ZFAT: variants seen among roughly 807,000 people sequenced by gnomAD.
ZFAT encodes zinc finger and AT-hook domain containing.
Under a neutral mutation model 117.7 loss-of-function variants are expected in ZFAT, and 64 were observed. That is an observed-to-expected ratio of 0.54 (90% confidence interval 0.44 to 0.67). The LOEUF (loss-of-function observed/expected upper bound fraction) is 0.67. Ranked by LOEUF, ZFAT falls within the 30% of genes least tolerant of loss-of-function variation. ZFAT has a pLI of 0.00. For missense variants in ZFAT, 1,433 were observed against 1,584.5 expected, an observed-to-expected ratio of 0.90 and a Z score of 1.62; for synonymous variants, 679 against 615.0, an observed-to-expected ratio of 1.10 and a Z score of -1.54.
At chr8:134,810,106 C>A in the ZFAT span, among the ~76,000 whole-genome samples, 1 of 152,140 alleles carries the variant, frequency 6.6e-6, no homozygotes, top group Non-Finnish European at 1.5e-5. Context: ...AAACTGATAA[C>A]CACTATAGAT....
chr8:134,640,563 C>T (rs938941399), intron 2 of ZFAT, among the ~76,000 whole-genome samples: 3 of 152,156 alleles, frequency 2.0e-5, no homozygotes, highest in African/African-American at 7.2e-5. Flanking sequence ...ACTTTTTATC[C>T]CCCTCGCACC....
At chr8:134,628,755 G>A (rs1829690683) in intron 3 of ZFAT, among the ~76,000 whole-genome samples, 1 of 152,182 alleles carries the variant, frequency 6.6e-6, no homozygotes, top group African/African-American at 2.4e-5. Context: ...ACTACAGGGT[G>A]ACACTGGATA....
At position 134,684,043 on chromosome 8, in the gene ZFAT, T is replaced by C. The variant is rs909535807; in HGVS notation, c.20-26306A>G. On this transcript the variant is annotated intron_variant, in intron 1 of 15. Transcript: ENST00000377838. ...CAACTTCTGATAAAAAGCTTTCCAC[T>C]TGGGTGACTAGGGGAAAGCTGTTAA... Among the ~76,000 whole-genome samples the C allele has an allele frequency of 1.1e-4, 17 of 152,128 alleles. No homozygotes were observed. The East Asian group carries it at 1.4e-3, about 12-fold the overall frequency.
chr8:134,497,814 A>T (rs113912612), intron 15 of ZFAT, among the ~76,000 whole-genome samples: 6,673 of 29,034 alleles, frequency 0.23, 29 homozygotes, highest in East Asian at 0.36. Context: ...ATGCCCCAGC[A>T]GCTGGTTACA....
chr8:134,620,770 C>G (rs1829055925), intron 3 of ZFAT, among the ~76,000 whole-genome samples: 1 of 152,164 alleles, frequency 6.6e-6, no homozygotes, highest in Non-Finnish European at 1.5e-5. Context: ...CAGAGAAAAC[C>G]CGGTTGAGTC....
the ZFAT span, among the ~76,000 whole-genome samples, chr8:134,761,982 A>ATGTGTGTGTGTGTGTGTGTGTG: frequency 1.6e-4 from 23 of 147,238 alleles, no homozygotes; most frequent in African/African-American, 5.3e-4. Context: ...TTCTCTCTGT[A>ATGTGTGTGTGTGTGTGTGTGTG]TGTGTGTGTG....
Position 134,608,791 on chromosome 8 carries a change from C to G in ZFAT, c.723G>C (p.Arg241=). ...SETTSADLVP[R]RGYQEYAIQQ... ...GAATGGCGTATTCCTGGTAGCCTCT[C>G]CGAGGCACCAGGTCTGCTGAAGTGG... The change falls in exon 5 of 16, where the codon CGG becomes CGC. Residue 241 remains arginine, a synonymous_variant. Transcript: ENST00000377838. 6.2e-7 allele frequency: 1 copy of G among 1,610,982 alleles called. No homozygotes were observed. The highest frequency in any genetic ancestry group is 8.5e-7 in the Non-Finnish European group (1 of 1,178,926).
intron 1 of ZFAT, among the ~76,000 whole-genome samples, chr8:134,666,953 G>A (rs1383672289): frequency 6.6e-6 from 1 of 152,194 alleles, no homozygotes. Flanking sequence ...GCCAAGTGCG[G>A]CCATAAAAAA....
intron 2 of ZFAT, among the ~76,000 whole-genome samples, chr8:134,645,588 T>C (rs1411464449): frequency 6.6e-6 from 1 of 152,146 alleles, no homozygotes; most frequent in African/African-American, 2.4e-5. Context: ...TGATAAGAAT[T>C]TGATTATTCC....
intron 3 of ZFAT, among the ~76,000 whole-genome samples, chr8:134,627,700 G>A (rs1018124375): frequency 6.6e-6 from 1 of 152,162 alleles, no homozygotes; most frequent in African/African-American, 2.4e-5. Context: ...TCTTGTGTCT[G>A]CTGTATGAGA....
At chr8:134,640,360 C>A (rs1215023328) in intron 2 of ZFAT, among the ~76,000 whole-genome samples, 1 of 152,148 alleles carries the variant, frequency 6.6e-6, no homozygotes, top group Non-Finnish European at 1.5e-5. Context: ...GAGAACTGTG[C>A]CCTTAAGCTT....
rs145283084 is a variant in ZFAT at position 134,525,142 on chromosome 8, C to A, written c.3116-4141G>T. On this transcript the variant is annotated intron_variant, in intron 12 of 15. Transcript: ENST00000377838. ...GCTGACCACATTCTCCAGTCAAGAT[C>A]TAGTTTTTCAGGGCTTCTGTGACAC... 2.1e-4 allele frequency among the ~76,000 whole-genome samples: 32 copies of A among 152,312 alleles called. No individual in the cohort carries two copies. In the East Asian group the frequency reaches 5.2e-3, roughly 25 times the overall value.
the ZFAT span, among the ~76,000 whole-genome samples, chr8:134,778,835 TG>T: frequency 6.6e-6 from 1 of 151,930 alleles, no homozygotes; most frequent in Middle Eastern, 3.2e-3. Flanking sequence ...CAGGACATGG[TG>T]GGGAAGTAAA....
intron 1 of ZFAT, among the ~76,000 whole-genome samples, chr8:134,695,427 G>A (rs1242396103): frequency 1.3e-5 from 2 of 148,172 alleles, no homozygotes; most frequent in Non-Finnish European, 3.0e-5. Flanking sequence ...CTCCAACCAA[G>A]GAGGCGACAC....
intron 15 of ZFAT, among the ~76,000 whole-genome samples, chr8:134,487,935 T>A (rs1054240171): frequency 2.0e-5 from 3 of 152,078 alleles, no homozygotes. Context: ...GGATAAAGAG[T>A]GCAGAGTGGA....
intron 11 of ZFAT, among the ~76,000 whole-genome samples, chr8:134,550,720 T>C (rs1261342397): frequency 1.3e-5 from 2 of 152,126 alleles, no homozygotes; most frequent in African/African-American, 4.8e-5. Context: ...TTTAAACATC[T>C]AAAATAGAAT....
At chr8:134,649,836 G>A (rs766599928) in intron 2 of ZFAT, among the ~76,000 whole-genome samples, 38 of 151,990 alleles carry the variant, frequency 2.5e-4, no homozygotes, top group Middle Eastern at 3.2e-3. Flanking sequence ...ATCTCACCTC[G>A]AATTATAACC....
intron 7 of ZFAT, among the ~76,000 whole-genome samples, chr8:134,592,934 CAT>C: frequency 6.6e-6 from 1 of 152,346 alleles, no homozygotes; most frequent in East Asian, 1.9e-4. Context: ...GCCAACCACA[CAT>C]GTCCAAGGGA....
At chr8:134,670,859 C>T (rs7006299) in intron 1 of ZFAT, among the ~76,000 whole-genome samples, 49,972 of 142,772 alleles carry the variant, frequency 0.35, 7,311 homozygotes, top group South Asian at 0.43. Flanking sequence ...CTACTAGCCA[C>T]ACTAATAAAG....
Sources: gnomAD v4.1 joint callset for allele counts (sites outside exome capture counted in the v4.1 genomes callset) on GRCh38, gnomAD v4.1.1 for gene constraint, MANE v1.5 for transcripts, NCBI Gene and HGNC (gene_info 2026-07-23, HGNC 2026-07-21) for gene names.